Variants in ATXN2L observed in about 807,000 individuals in gnomAD.
The protein encoded by ATXN2L is ataxin-2-like protein.
In ATXN2L, 24 loss-of-function variants were observed where a neutral mutation model predicts 120.7. That is an observed-to-expected ratio of 0.20 (90% CI 0.14 to 0.28). The LOEUF is 0.28. Ranked by LOEUF, ATXN2L falls within the 10% of genes least tolerant of loss-of-function variation. The pLI, the probability that ATXN2L is intolerant of heterozygous loss-of-function variation, is 1.00. For missense variants in ATXN2L, 1,312 were observed against 1,432.3 expected (o/e 0.92, Z 1.36); for synonymous variants, 653 against 568.1 (o/e 1.15, Z -2.13).
chr16:28,833,677 GAA>G lies in ATXN2L; in HGVS notation c.2025+172_2025+173del, dbSNP rs1431041346. Among the ~76,000 whole-genome samples, 3 of 150,578 alleles carry G rather than the reference GAA, an allele frequency of 2.0e-5. No individual in the cohort carries two copies. In the Admixed American group the frequency reaches 2.0e-4, roughly 10 times the overall value. On this transcript the variant is annotated intron_variant, in intron 15 of 21. Coordinates refer to ENST00000336783, the MANE Select transcript of ATXN2L (RefSeq NM_007245.4). Reference sequence around the variant, plus strand: ...ATGGCACCTTTGGGGCTGGCTTGGGGAAAATGGACTCAGGTCTCTAGGTTTGG... The same window carrying G: ...ATGGCACCTTTGGGGCTGGCTTGGGGAATGGACTCAGGTCTCTAGGTTTGG...
In ATXN2L at chr16:28,832,300, A is replaced by G. The variant is rs142279382; in HGVS notation, c.1417A>G (p.Thr473Ala). Residue 473 changes from threonine (T) to alanine (A), a missense_variant, in exon 11 of 22, where the codon ACC becomes GCC. Physicochemically the swap from Thr to Ala is moderately conservative, Grantham distance 58. Transcript: ENST00000336783. ...GCCTCCCATCGGCTCGGCAGTGCCA[A>G]CCTCTTCAGCCTCCATCCCTGTGAC... Reference protein sequence around the residue: ...PEPPIGSAVPTSSASIPVTSS... With the variant: ...PEPPIGSAVPASSASIPVTSS... The G allele has an allele frequency of 2.9e-5, 46 of 1,613,784 alleles. No homozygotes were observed. Among genetic ancestry groups the G allele is most frequent in the East Asian group, 8.9e-5 (4 of 44,880 alleles).
At chr16:28,834,787 C>A in intron 18 of ATXN2L, 94 bp downstream of exon 18, 2 of 1,427,946 alleles carry the variant, frequency 1.4e-6, no homozygotes, top group South Asian at 1.3e-5. Flanking sequence ...GGGTGGCAGG[C>A]AGTGTTGTAG....
At chr16:28,832,714 C>T in intron 12 of ATXN2L, 103 bp from the exon 13 acceptor site, 1 of 1,424,604 alleles carries the variant, frequency 7.0e-7, no homozygotes, top group Admixed American at 2.0e-5. Context: ...TCAAGAGTTT[C>T]TCTTTTTTCT....
At chr16:28,824,547 G>GTA in intron 1 of ATXN2L, 1 of 1,286,954 alleles carries the variant, frequency 7.8e-7, no homozygotes. Context: ...CGCAGAGTGG[G>GTA]TAACGGGCTG....
At chr16:28,824,517 A>T in intron 1 of ATXN2L, 1 of 1,288,080 alleles carries the variant, frequency 7.8e-7, no homozygotes, top group Non-Finnish European at 1.0e-6. Context: ...GAGCAGGGTT[A>T]CCTGGCGATT....
Position 28,826,923 on chromosome 16 carries a change from G to A in ATXN2L, c.678G>A (p.Lys226=). 1 of 1,597,106 alleles carries A rather than the reference G, an allele frequency of 6.3e-7. No individual in the cohort carries two copies. Among genetic ancestry groups the A allele is most frequent in the Admixed American group, 1.7e-5 (1 of 58,788 alleles). ...AAGTGAATGGGGAACACAAAGAGAA[G>A]GTGCTTCAGCGCTGGGAGGGGGGTG... ...NSKVNGEHKE[K]VLQRWEGGDS... Residue 226 remains lysine (K), a synonymous_variant, in exon 6 of 22, where the codon AAG becomes AAA. Transcript: ENST00000336783.
rs1248715116 is a variant in ATXN2L at position 28,836,525 on chromosome 16, G to A, written c.*260G>A. On this transcript the variant is annotated 3_prime_UTR_variant, in exon 22 of 22. Coordinates refer to ENST00000336783, the MANE Select transcript of ATXN2L (RefSeq NM_007245.4). ...GCAGACAGGGCCAGACTGGGGTGTG[G>A]GGGGCTGAGCTGGGCACATGAGTGA... 1.3e-6 allele frequency: 2 copies of A among 1,594,406 alleles called. No individual in the cohort carries two copies. The highest frequency in any genetic ancestry group is 8.5e-7 in the Non-Finnish European group (1 of 1,171,492).
In ATXN2L at chr16:28,823,191, A is replaced by G. The variant is rs1038384273; in HGVS notation, c.-69A>G. On this transcript the variant is annotated 5_prime_UTR_variant, in exon 1 of 22. Coordinates refer to ENST00000336783, the MANE Select transcript of ATXN2L (RefSeq NM_007245.4). ...ATCCCCCTCGCTTCCCGCGCTCTCC[A>G]GCGGGGCCCCAGCCCCGGCCCCCTC... 6 of 993,698 alleles carry G rather than the reference A, an allele frequency of 6.0e-6. No individual in the cohort carries two copies. The highest frequency in any genetic ancestry group is 3.9e-5 in the African/African-American group (2 of 51,178). 61.6% of individuals were successfully genotyped at this position (993,698 alleles called of 1,614,324 possible). A position where few individuals can be genotyped will look rare whatever the true frequency, so the allele number is the denominator to read the frequency against.
rs1001625427 is a variant in ATXN2L at position 28,830,034 on chromosome 16, G to A, written c.1010G>A (p.Arg337Gln). The change falls in exon 8 of 22, where the codon CGG (arginine) becomes CAG (glutamine). Residue 337 changes from arginine (R) to glutamine (Q), a missense_variant. Arg to Gln is a conservative substitution (Grantham distance 43). Transcript: ENST00000336783. ...HSAVQRQGSG[R>Q]ESPSLASREG... Reference sequence around the variant, plus strand: ...GCAGTCCAGCGGCAGGGCTCAGGGCGGGAGAGCCCCAGCTTGGCATCCAGG... The same window carrying A: ...GCAGTCCAGCGGCAGGGCTCAGGGCAGGAGAGCCCCAGCTTGGCATCCAGG... 1.4e-5 allele frequency: 23 copies of A among 1,611,420 alleles called. No homozygotes were observed. The highest frequency in any genetic ancestry group is 1.6e-4 in the Middle Eastern group (1 of 6,074).
chr16:28,832,484 T>C lies in ATXN2L; in HGVS notation c.1517-12T>C, dbSNP rs758522388. The C allele has an allele frequency of 3.7e-5, 60 of 1,613,884 alleles. No homozygotes were observed. The highest frequency in any genetic ancestry group is 2.5e-6 in the Non-Finnish European group (3 of 1,179,874). ...CAGAAGGACCTTTAGGCATTTCTCT[T>C]TACTTGAACAGTAAAAGAACTCTCT... On this transcript the variant is annotated splice_polypyrimidine_tract_variant and intron_variant, in intron 11 of 21. Coordinates refer to ENST00000336783, the MANE Select transcript of ATXN2L (RefSeq NM_007245.4).
chr16:28,824,337 A>G (rs916487901), intron 1 of ATXN2L: 16 of 1,205,636 alleles, frequency 1.3e-5, no homozygotes, highest in African/African-American at 1.6e-5. Flanking sequence ...ACGCAGGCGC[A>G]GTGGGCTCTG....
Position 28,829,691 on chromosome 16 carries a change from G to A in ATXN2L, c.834-167G>A, listed in dbSNP as rs1191245604. Reference sequence around the variant, plus strand: ...AAGTGCTTCTCACATTCCCAGATAAGCCTTGGTGCTCTACCTGGGATGCAG... The same window carrying A: ...AAGTGCTTCTCACATTCCCAGATAAACCTTGGTGCTCTACCTGGGATGCAG... On this transcript the variant is annotated intron_variant, in intron 7 of 21. Transcript: ENST00000336783. 27 of 786,308 alleles carry A rather than the reference G, an allele frequency of 3.4e-5. No individual in the cohort carries two copies. The South Asian group carries it at 4.7e-4, about 14-fold the overall frequency. 48.7% of individuals were successfully genotyped at this position (786,308 alleles called of 1,614,324 possible). A position where few individuals can be genotyped will look rare whatever the true frequency, so the allele number is the denominator to read the frequency against.
At chr16:28,828,402 C>T (rs1313793982) in intron 6 of ATXN2L, among the ~76,000 whole-genome samples, 2 of 152,060 alleles carry the variant, frequency 1.3e-5, no homozygotes, top group African/African-American at 2.4e-5. Context: ...GCCTGACCAA[C>T]GTGGAGAAGC....
At chr16:28,823,669 G>C in intron 1 of ATXN2L, 111 bp downstream of exon 1, 1 of 1,097,258 alleles carries the variant, frequency 9.1e-7, no homozygotes. Flanking sequence ...GCTGGGTGGG[G>C]AGTCCCCGTG....
chr16:28,830,255 A>G (rs564696678), intron 8 of ATXN2L, among the ~76,000 whole-genome samples, 197 bp downstream of exon 8: 1 of 152,358 alleles, frequency 6.6e-6, no homozygotes, highest in South Asian at 2.1e-4. Context: ...CTAAAAAAAA[A>G]AAATTCAAAA....
At chr16:28,833,606 C>T in intron 15 of ATXN2L, 98 bp downstream of exon 15, 3 of 1,247,872 alleles carry the variant, frequency 2.4e-6, no homozygotes, top group Admixed American at 1.8e-5. Flanking sequence ...CTTCCAGGAC[C>T]ACTTGCCTGG....
At chr16:28,824,251 G>A (rs1167830392) in intron 1 of ATXN2L, 15 of 1,136,366 alleles carry the variant, frequency 1.3e-5, no homozygotes, top group Non-Finnish European at 1.6e-5. Flanking sequence ...TGGTGGCAGT[G>A]CATGAGTAGT....
chr16:28,827,154 C>T (rs1278740619), intron 6 of ATXN2L, among the ~76,000 whole-genome samples, 168 bp downstream of exon 6: 2 of 152,220 alleles, frequency 1.3e-5, no homozygotes, highest in Non-Finnish European at 1.5e-5. Context: ...CTATTCTTAG[C>T]TGGGTGCAGT....
chr16:28,825,474 A>G, intron 2 of ATXN2L, 72 bp downstream of exon 2: 2 of 1,570,332 alleles, frequency 1.3e-6, no homozygotes, highest in East Asian at 2.2e-5. Flanking sequence ...TATAGGGCAC[A>G]TTAGGTCTAG....
Sources: gnomAD v4.1 joint callset for allele counts (sites outside exome capture counted in the v4.1 genomes callset) on GRCh38, gnomAD v4.1.1 for gene constraint, MANE v1.5 for transcripts, NCBI Gene and HGNC (gene_info 2026-07-23, HGNC 2026-07-21) for gene names.